The following DUS2 variants were observed in gnomAD, a reference collection of about 807,000 sequenced individuals.
DUS2 encodes tRNA-dihydrouridine(20) synthase [NAD(P)+]-like.
In DUS2, 52 loss-of-function variants were observed where a neutral mutation model predicts 71.3. The ratio of observed to expected loss-of-function variants is 0.73; its 90% CI spans 0.58 to 0.92. The LOEUF (loss-of-function observed/expected upper bound fraction) is 0.92. Among genes scored for constraint, DUS2 ranks in the 40% least tolerant of loss-of-function variants. The pLI is 0.00. For missense variants in DUS2, 558 were observed against 622.6 expected (o/e 0.90, Z 1.10); for synonymous variants, 204 against 227.8 (o/e 0.90, Z 0.94).
intron 4 of DUS2, 130 bp downstream of exon 4, chr16:68,049,680 C>A: frequency 1.2e-6 from 1 of 831,752 alleles, no homozygotes; most frequent in Non-Finnish European, 2.0e-6. Flanking sequence ...CACATGCTCC[C>A]TTGAGAGCAG....
chr16:68,036,441 G>A (rs770131395), intron 2 of DUS2, among the ~76,000 whole-genome samples: 10 of 151,952 alleles, frequency 6.6e-5, no homozygotes, highest in Non-Finnish European at 1.2e-4. Flanking sequence ...GATTACAGGC[G>A]TGAGCCACCT....
intron 2 of DUS2, among the ~76,000 whole-genome samples, chr16:68,036,444 A>G (rs1184790365): frequency 6.6e-6 from 1 of 151,926 alleles, no homozygotes; most frequent in Non-Finnish European, 1.5e-5. Context: ...TACAGGCGTG[A>G]GCCACCTCAC....
At chr16:68,046,222 C>A (rs750514470) in intron 3 of DUS2, among the ~76,000 whole-genome samples, 1 of 152,020 alleles carries the variant, frequency 6.6e-6, no homozygotes, top group Non-Finnish European at 1.5e-5. Context: ...TTGAAGTCTC[C>A]GGTGTCTGTT....
At chr16:68,027,220 CT>C (rs2033363867) in intron 2 of DUS2, 1 of 151,812 alleles carries the variant, frequency 6.6e-6, no homozygotes, top group African/African-American at 2.4e-5. Context: ...TCTTGTTGCA[CT>C]TGGTCCATTA....
At chr16:68,064,157 A>G (rs140003791) in intron 8 of DUS2, among the ~76,000 whole-genome samples, 1 of 152,252 alleles carries the variant, frequency 6.6e-6, no homozygotes, top group East Asian at 1.9e-4. Context: ...GCTTTTCTTC[A>G]GTTGGCCAGT....
intron 2 of DUS2, among the ~76,000 whole-genome samples, chr16:68,025,760 T>A (rs964915557): frequency 2.0e-5 from 3 of 152,158 alleles, no homozygotes; most frequent in Non-Finnish European, 4.4e-5. Context: ...GATATTTTTA[T>A]AAGTAGTGCT....
chr16:68,051,948 G>T (rs2033784379), intron 4 of DUS2, among the ~76,000 whole-genome samples: 1 of 152,068 alleles, frequency 6.6e-6, no homozygotes, highest in East Asian at 1.9e-4. Flanking sequence ...GCCCAAGCTA[G>T]AGTGCAGTGG....
rs185812314 is a variant in DUS2, at chr16:68,040,881, C to A, written c.126+2732C>A. Among the ~76,000 whole-genome samples, 80 of 152,178 alleles carry A rather than the reference C, an allele frequency of 5.3e-4. No homozygotes were observed. The Middle Eastern group carries it at 0.01, about 19-fold the overall frequency. On this transcript the variant is annotated intron_variant, in intron 3 of 16. Coordinates refer to ENST00000565263, the MANE Select transcript of DUS2 (RefSeq NM_017803.5). Reference sequence around the variant, plus strand: ...TCTGTGGGATTAGATAATCAAATGACCTCACCCAGCTCACAGGACCTCGTG... The same window carrying A: ...TCTGTGGGATTAGATAATCAAATGAACTCACCCAGCTCACAGGACCTCGTG...
chr16:68,028,440 T>C lies in DUS2; in HGVS notation c.-19+2946T>C, dbSNP rs188776400. On this transcript the variant is annotated intron_variant, in intron 2 of 16. Transcript: ENST00000565263. ...CACGAAGTCAGGAGTTTGAGACCAGTCTGGCCAACATGGTGAAACCCCATC... is the reference window on the plus strand; with the variant it reads ...CACGAAGTCAGGAGTTTGAGACCAGCCTGGCCAACATGGTGAAACCCCATC... Among the ~76,000 whole-genome samples, 217 of 151,840 alleles carry C rather than the reference T, an allele frequency of 1.4e-3. 1 individual carries two copies. Among genetic ancestry groups the C allele is most frequent in the Admixed American group, 4.2e-3 (64 of 15,180 alleles).
intron 2 of DUS2, among the ~76,000 whole-genome samples, chr16:68,031,983 C>G (rs1179647464): frequency 6.6e-6 from 1 of 152,208 alleles, no homozygotes; most frequent in African/African-American, 2.4e-5. Context: ...GCATGAGCCA[C>G]CTCGCCCAGC....
chr16:68,027,094 A>G (rs2033362245), intron 2 of DUS2: 1 of 152,186 alleles, frequency 6.6e-6, no homozygotes, highest in Non-Finnish European at 1.5e-5. Flanking sequence ...TAAGCCAGAG[A>G]TTGGAGTAGT....
chr16:68,042,238 T>C (rs922518865), intron 3 of DUS2, among the ~76,000 whole-genome samples: 2 of 152,232 alleles, frequency 1.3e-5, no homozygotes, highest in African/African-American at 4.8e-5. Context: ...TGTATGTATA[T>C]ATCACACTTG....
At chr16:68,078,315 G>T (rs1422901918) in intron 15 of DUS2, 130 bp from the exon 16 acceptor site, 4 of 832,064 alleles carry the variant, frequency 4.8e-6, no homozygotes, top group Non-Finnish European at 8.0e-6. Flanking sequence ...GGAGGAGCAT[G>T]TGATACAGGC....
intron 1 of DUS2, among the ~76,000 whole-genome samples, chr16:68,025,188 GTTCC>G (rs953562689): frequency 2.6e-5 from 4 of 151,846 alleles, no homozygotes; most frequent in African/African-American, 7.3e-5. Context: ...TATCCAAATA[GTTCC>G]TTGGGGCCAG....
chr16:68,031,950 C>T (rs551542823), intron 2 of DUS2, among the ~76,000 whole-genome samples: 1 of 152,322 alleles, frequency 6.6e-6, no homozygotes, highest in East Asian at 1.9e-4. Flanking sequence ...CTGCCTTGGC[C>T]TCCCAAAGTG....
At chr16:68,049,422 C>T in intron 3 of DUS2, 83 bp from the exon 4 acceptor site, 1 of 1,449,164 alleles carries the variant, frequency 6.9e-7, no homozygotes, top group Non-Finnish European at 9.7e-7. Context: ...GCCAAGCGAT[C>T]CTCATTAGGT....
Position 68,054,633 on chromosome 16 carries a change from G to A in DUS2, c.308+16G>A, listed in dbSNP as rs1567476666. Reference sequence around the variant, plus strand: ...CCAGGCTTGTGTAAGTTCATCCTCTGTCTTTAGCACTGCCTTTGCCTCTCC... The same window carrying A: ...CCAGGCTTGTGTAAGTTCATCCTCTATCTTTAGCACTGCCTTTGCCTCTCC... On this transcript the variant is annotated intron_variant, in intron 6 of 16. Coordinates refer to ENST00000565263, the MANE Select transcript of DUS2 (RefSeq NM_017803.5). 1.2e-6 allele frequency: 2 copies of A among 1,614,026 alleles called. No homozygotes were observed. The highest frequency in any genetic ancestry group is 1.7e-6 in the Non-Finnish European group (2 of 1,180,014).
At chr16:68,041,094 G>A (rs1380931930) in intron 3 of DUS2, among the ~76,000 whole-genome samples, 1 of 152,154 alleles carries the variant, frequency 6.6e-6, no homozygotes, top group African/African-American at 2.4e-5. Context: ...AGCTGTACGC[G>A]GTGGTGCACA....
rs2034198678 is a variant in DUS2, at chr16:68,078,893, C to T, written c.1389C>T (p.Pro463=). 1 of 1,613,210 alleles carries T rather than the reference C, an allele frequency of 6.2e-7. No homozygotes were observed. The highest frequency in any genetic ancestry group is 8.5e-7 in the Non-Finnish European group (1 of 1,179,442). Residue 463 remains proline (P), a synonymous_variant, in exon 17 of 17, where the codon CCC becomes CCT. Transcript: ENST00000565263. ...REAPDQDPGG[P]RAQELAQPGD... ...CTCCTGACCAAGACCCTGGGGGCCCCAGAGCTCAGGAGCTAGCACAACCTG... is the reference window on the plus strand; with the variant it reads ...CTCCTGACCAAGACCCTGGGGGCCCTAGAGCTCAGGAGCTAGCACAACCTG...
Sources: gnomAD v4.1 joint callset for allele counts (sites outside exome capture counted in the v4.1 genomes callset) on GRCh38, gnomAD v4.1.1 for gene constraint, MANE v1.5 for transcripts, NCBI Gene and HGNC (gene_info 2026-07-23, HGNC 2026-07-21) for gene names.